Variants in STXBP5L observed in about 807,000 individuals in gnomAD.
STXBP5L encodes syntaxin binding protein 5L, also known as syntaxin-binding protein 5-like.
A neutral mutation model predicts 144.5 loss-of-function variants in STXBP5L; 65 were observed. The ratio of observed to expected loss-of-function variants is 0.45; its 90% CI spans 0.37 to 0.55. The LOEUF is 0.55. STXBP5L is among the 20% of genes least tolerant of loss of function. The probability of loss-of-function intolerance (pLI) is 0.00; values close to 1 mark genes in which losing one functional copy is unlikely to be tolerated. For synonymous variants in STXBP5L, 505 were observed against 469.6 expected (o/e 1.08, Z -0.97); for missense variants, 1,298 against 1,405.5 (o/e 0.92, Z 1.22).
chr3:120,928,903 A>C (rs759325847), intron 2 of STXBP5L, among the ~76,000 whole-genome samples: 1 of 152,130 alleles, frequency 6.6e-6, no homozygotes, highest in Non-Finnish European at 1.5e-5. Context: ...AGACCACCCA[A>C]ATGAGGACAT....
At chr3:121,182,497 A>T (rs2047197858) in intron 9 of STXBP5L, among the ~76,000 whole-genome samples, 1 of 152,184 alleles carries the variant, frequency 6.6e-6, no homozygotes, top group Non-Finnish European at 1.5e-5. Context: ...CAACTTATCA[A>T]GACCTTTGGG....
At chr3:121,326,429 G>A (rs533603603) in intron 20 of STXBP5L, among the ~76,000 whole-genome samples, 1 of 151,998 alleles carries the variant, frequency 6.6e-6, no homozygotes, top group Non-Finnish European at 1.5e-5. Context: ...GAAAGGTAGA[G>A]ACAAATGAAA....
At chr3:121,027,640 TTTTG>T (rs777139411) in intron 3 of STXBP5L, among the ~76,000 whole-genome samples, 23 of 152,182 alleles carry the variant, frequency 1.5e-4, no homozygotes, top group Non-Finnish European at 2.8e-4. Context: ...CTGTGTCTTT[TTTTG>T]TTTGTTTTTT....
In STXBP5L at chr3:121,187,190, G is replaced by C. The variant is rs542611521; in HGVS notation, c.878-18733G>C. Reference sequence around the variant, plus strand: ...TGATAGACTGGATGAAGAAAATGTGGCACATGTACACCATGGAATACTATG... The same window carrying C: ...TGATAGACTGGATGAAGAAAATGTGCCACATGTACACCATGGAATACTATG... On this transcript the variant is annotated intron_variant, in intron 9 of 26. Coordinates refer to ENST00000471454, the MANE Select transcript of STXBP5L (RefSeq NM_001308330.2). Among the ~76,000 whole-genome samples the C allele has an allele frequency of 2.6e-5, 4 of 152,230 alleles. No homozygotes were observed. In the East Asian group the frequency reaches 7.7e-4, roughly 29 times the overall value.
intron 20 of STXBP5L, among the ~76,000 whole-genome samples, chr3:121,341,387 G>C (rs1283405090): frequency 6.6e-6 from 1 of 152,124 alleles, no homozygotes; most frequent in Non-Finnish European, 1.5e-5. Context: ...AACAAATGCT[G>C]ACAAGGATGT....
At chr3:121,053,965 A>T (rs1414095725) in intron 5 of STXBP5L, among the ~76,000 whole-genome samples, 1 of 152,246 alleles carries the variant, frequency 6.6e-6, no homozygotes, top group Non-Finnish European at 1.5e-5. Flanking sequence ...GAAGACATTT[A>T]TGCAGCCAAA....
chr3:121,277,631 T>G (rs2050925344), intron 18 of STXBP5L, among the ~76,000 whole-genome samples: 1 of 151,992 alleles, frequency 6.6e-6, no homozygotes, highest in Non-Finnish European at 1.5e-5. Flanking sequence ...TTGAGCTATT[T>G]TTTCCTCTGG....
chr3:121,055,361 T>G (rs1483427685), intron 5 of STXBP5L, among the ~76,000 whole-genome samples: 1 of 152,150 alleles, frequency 6.6e-6, no homozygotes, highest in African/African-American at 2.4e-5. Context: ...CTCTTATGTT[T>G]ATGCTAAATG....
At chr3:121,302,844 C>A (rs1336403578) in intron 19 of STXBP5L, among the ~76,000 whole-genome samples, 1 of 152,166 alleles carries the variant, frequency 6.6e-6, no homozygotes, top group Non-Finnish European at 1.5e-5. Flanking sequence ...AAAGCTGAAA[C>A]TGGATCCCTT....
chr3:121,099,956 A>G (rs1300975120), intron 5 of STXBP5L, among the ~76,000 whole-genome samples: 2 of 152,146 alleles, frequency 1.3e-5, no homozygotes, highest in African/African-American at 4.8e-5. Context: ...CTATTCTCAT[A>G]TCAGATAAAA....
intron 3 of STXBP5L, among the ~76,000 whole-genome samples, chr3:121,008,915 C>G (rs1056935703): frequency 2.7e-5 from 4 of 146,914 alleles, no homozygotes; most frequent in Non-Finnish European, 6.0e-5. Flanking sequence ...TAGTTTCTTA[C>G]GGTTTAATAT....
chr3:120,979,392 C>T (rs1022218384), intron 3 of STXBP5L, among the ~76,000 whole-genome samples: 1 of 152,196 alleles, frequency 6.6e-6, no homozygotes, highest in East Asian at 1.9e-4. Flanking sequence ...TTTTTTAAGC[C>T]TGTCGGAAAA....
At chr3:120,970,179 G>C (rs1460822463) in intron 3 of STXBP5L, among the ~76,000 whole-genome samples, 1 of 151,956 alleles carries the variant, frequency 6.6e-6, no homozygotes, top group East Asian at 1.9e-4. Flanking sequence ...GATTTTAATA[G>C]GTTTTTGTCT....
At position 121,392,770 on chromosome 3, in the gene STXBP5L, CATATATATATATATATATAT is replaced by C. The variant is rs71133531; in HGVS notation, c.2587+11257_2587+11276del. On this transcript the variant is annotated intron_variant, in intron 22 of 26. Transcript: ENST00000471454. The stretch of plus-strand genomic sequence containing the variant: ...ATTATGACTGAGTAGTATTTCATGG[CATATATATATATATATATAT>C]ATATATATATATATATATCACATTT... Among the ~76,000 whole-genome samples, 613 of 112,372 alleles carry C rather than the reference CATATATATATATATATATAT, an allele frequency of 5.5e-3. 9 individuals are homozygous for C. Among genetic ancestry groups the C allele is most frequent in the African/African-American group, 0.021 (580 of 28,128 alleles). The allele number at this position is 112,372 out of a possible 152,430, so 73.7% of individuals were successfully genotyped here. A position where few individuals can be genotyped will look rare whatever the true frequency, so the allele number is the denominator to read the frequency against.
At chr3:121,287,493 T>C (rs1023590924) in intron 19 of STXBP5L, among the ~76,000 whole-genome samples, 3 of 152,098 alleles carry the variant, frequency 2.0e-5, no homozygotes, top group African/African-American at 7.2e-5. Flanking sequence ...TCATCAAAAA[T>C]AAGAAGTACT....
chr3:121,340,178 A>G (rs1576217134), intron 20 of STXBP5L, among the ~76,000 whole-genome samples: 1 of 152,272 alleles, frequency 6.6e-6, no homozygotes. Flanking sequence ...AGTAACCAGA[A>G]CAAGATGTTA....
At chr3:121,130,088 C>A (rs1038186366) in intron 7 of STXBP5L, among the ~76,000 whole-genome samples, 6 of 152,056 alleles carry the variant, frequency 3.9e-5, no homozygotes, top group Non-Finnish European at 8.8e-5. Flanking sequence ...GAGTGAAAGC[C>A]TAGAGAAAAA....
In STXBP5L at chr3:121,148,624, A is replaced by T. The variant is rs142321438; in HGVS notation, c.670-3853A>T. Among the ~76,000 whole-genome samples the T allele has an allele frequency of 5.5e-3, 834 of 152,224 alleles. 9 individuals carry two copies. The highest frequency in any genetic ancestry group is 8.7e-3 in the Non-Finnish European group (589 of 67,974). ...TTAACATTGTACAGCTATTCACAAT[A>T]TTGGTCATTAGATGAGAAGGAAATG... On this transcript the variant is annotated intron_variant, in intron 7 of 26. Coordinates refer to ENST00000471454, the MANE Select transcript of STXBP5L (RefSeq NM_001308330.2).
intron 3 of STXBP5L, among the ~76,000 whole-genome samples, chr3:120,975,727 T>C (rs919169529): frequency 2.6e-5 from 4 of 152,188 alleles, no homozygotes; most frequent in African/African-American, 9.7e-5. Context: ...CATCAATACC[T>C]AATTTATTGA....
Sources: gnomAD v4.1 joint callset for allele counts (sites outside exome capture counted in the v4.1 genomes callset) on GRCh38, gnomAD v4.1.1 for gene constraint, MANE v1.5 for transcripts, NCBI Gene and HGNC (gene_info 2026-07-23, HGNC 2026-07-21) for gene names.